The following THSD7A variants were observed in gnomAD, a reference collection of about 807,000 sequenced individuals.
The protein encoded by THSD7A is thrombospondin type 1 domain containing 7A, also known as thrombospondin type-1 domain-containing protein 7A.
In THSD7A, 96 loss-of-function variants were observed where a neutral mutation model predicts 231.3. The observed-to-expected ratio is 0.41, with a 90% CI of 0.35 to 0.49. The LOEUF is 0.49. THSD7A is among the 20% of genes least tolerant of loss of function. THSD7A has a pLI of 0.05. For missense variants in THSD7A, 2,290 were observed against 2,070.2 expected (o/e 1.11, Z -2.06); for synonymous variants, 940 against 743.3 (o/e 1.26, Z -4.30).
chr7:11,668,527 CAGAA>C (rs1047096226), intron 1 of THSD7A, among the ~76,000 whole-genome samples: 130 of 111,052 alleles, frequency 1.2e-3, no homozygotes, highest in African/African-American at 4.1e-3. Context: ...AAAAGAAAGA[CAGAA>C]AGAAAGAAAG....
chr7:11,790,632 T>C (rs1031740574), intron 1 of THSD7A, among the ~76,000 whole-genome samples: 4 of 152,096 alleles, frequency 2.6e-5, no homozygotes, highest in African/African-American at 9.6e-5. Context: ...ATCAGCCTAA[T>C]ATTGGTAAAC....
At chr7:11,573,134 A>G (rs1790721266) in intron 4 of THSD7A, among the ~76,000 whole-genome samples, 1 of 152,152 alleles carries the variant, frequency 6.6e-6, no homozygotes, top group Non-Finnish European at 1.5e-5. Context: ...GAGGTGCTCA[A>G]CAAGTATTCT....
At chr7:11,714,504 A>T (rs561468317) in intron 1 of THSD7A, among the ~76,000 whole-genome samples, 2 of 151,304 alleles carry the variant, frequency 1.3e-5, no homozygotes, top group South Asian at 4.1e-4. Flanking sequence ...TAATATTTTG[A>T]TTGAGTTAGT....
At chr7:11,385,971 G>C (rs1361166467) in intron 23 of THSD7A, among the ~76,000 whole-genome samples, 1 of 151,994 alleles carries the variant, frequency 6.6e-6, no homozygotes, top group African/African-American at 2.4e-5. Context: ...GTGGTGTTTG[G>C]TTTTCTGTTC....
At chr7:11,717,729 G>T (rs1314864889) in intron 1 of THSD7A, among the ~76,000 whole-genome samples, 1 of 151,466 alleles carries the variant, frequency 6.6e-6, no homozygotes, top group African/African-American at 2.4e-5. Context: ...ACACCTACCT[G>T]TTTGATTCTT....
intron 1 of THSD7A, among the ~76,000 whole-genome samples, chr7:11,769,151 A>ATTTTTTTTTTTTTTTT (rs1422492872): frequency 2.8e-3 from 100 of 35,370 alleles, no homozygotes; most frequent in Non-Finnish European, 5.1e-3. Flanking sequence ...ATATATATAT[A>ATTTTTTTTTTTTTTTT]TATTTTTTTT....
At chr7:11,493,876 T>C (rs1234361626) in intron 6 of THSD7A, among the ~76,000 whole-genome samples, 2 of 151,968 alleles carry the variant, frequency 1.3e-5, no homozygotes, top group East Asian at 1.9e-4. Flanking sequence ...GGTAATATCA[T>C]CTAGTTTATA....
intron 6 of THSD7A, among the ~76,000 whole-genome samples, chr7:11,484,078 T>A (rs1161745132): frequency 6.6e-6 from 1 of 151,884 alleles, no homozygotes; most frequent in Non-Finnish European, 1.5e-5. Flanking sequence ...CATCTTGTTC[T>A]GCTTGGCCAG....
At chr7:11,423,500 C>G (rs1025122741) in intron 16 of THSD7A, among the ~76,000 whole-genome samples, 44 of 151,928 alleles carry the variant, frequency 2.9e-4, no homozygotes, top group Admixed American at 7.2e-4. Context: ...TCCCGAGTAG[C>G]TGGGACTACA....
intron 2 of THSD7A, among the ~76,000 whole-genome samples, chr7:11,633,299 G>A (rs1292193286): frequency 6.6e-6 from 1 of 152,170 alleles, no homozygotes; most frequent in Middle Eastern, 3.2e-3. Context: ...GAAGCTTCCT[G>A]TGTCCTAGTG....
chr7:11,431,512 G>A (rs375041145), intron 13 of THSD7A, among the ~76,000 whole-genome samples: 18 of 152,114 alleles, frequency 1.2e-4, no homozygotes, highest in East Asian at 7.7e-4. Flanking sequence ...ACAGTGTAAC[G>A]ATTTATTTTT....
chr7:11,480,227 A>C (rs1786367837), intron 7 of THSD7A, among the ~76,000 whole-genome samples: 1 of 152,200 alleles, frequency 6.6e-6, no homozygotes, highest in Non-Finnish European at 1.5e-5. Flanking sequence ...GAGCAATCAC[A>C]AATTTCTGCC....
In THSD7A at chr7:11,406,611, C is replaced by A. The variant is rs1783591193; in HGVS notation, c.4063-137G>T. The stretch of plus-strand genomic sequence containing the variant: ...GATTTGAAACCCTAGGGAAGAAGCC[C>A]TATAGGGCACTAGCAATAAAGCATA... On this transcript the variant is annotated intron_variant, in intron 21 of 27. Coordinates refer to ENST00000423059, the MANE Select transcript of THSD7A (RefSeq NM_015204.3). This position sits in a 1 kb window ranked among gnomAD's most constrained non-coding sequence, Gnocchi z 4.7. 1 of 938,698 alleles carries A rather than the reference C, an allele frequency of 1.1e-6. No homozygotes were observed. Among genetic ancestry groups the A allele is most frequent in the African/African-American group, 1.7e-5 (1 of 59,974 alleles). 58.1% of individuals were successfully genotyped at this position (938,698 alleles called of 1,614,324 possible).
In THSD7A at chr7:11,801,743, C is replaced by CA. The variant is rs201784736; in HGVS notation, c.190+30013dup. Among the ~76,000 whole-genome samples the CA allele has an allele frequency of 6.6e-3, 997 of 152,062 alleles. 15 individuals are homozygous for CA. Among genetic ancestry groups the CA allele is most frequent in the African/African-American group, 0.023 (958 of 41,504 alleles). ...AGCCAAACAACAACAAAAACAATGA[C>CA]AAAAAATCTGTATGTCGTAATCATG... is the stretch of plus-strand genomic sequence containing the variant. On this transcript the variant is annotated intron_variant, in intron 1 of 27. Transcript: ENST00000423059.
At position 11,377,362 on chromosome 7, in the gene THSD7A, C is replaced by T. The variant is rs184223430; in HGVS notation, c.4802-705G>A. Among the ~76,000 whole-genome samples, 55 of 151,840 alleles carry T rather than the reference C, an allele frequency of 3.6e-4. No homozygotes were observed. The highest frequency in any genetic ancestry group is 6.8e-3 in the Middle Eastern group (2 of 292). On this transcript the variant is annotated intron_variant, in intron 26 of 27. Transcript: ENST00000423059. This position sits in a 1 kb window ranked among gnomAD's most constrained non-coding sequence, Gnocchi z 4.5. ...CTTTGAACTCCTCAGTTCTATGCTC[C>T]GAATAAACTTCAAGCACAAGATGTT... is the stretch of plus-strand genomic sequence containing the variant.
chr7:11,778,313 C>G (rs1048817415), intron 1 of THSD7A, among the ~76,000 whole-genome samples: 2 of 151,820 alleles, frequency 1.3e-5, no homozygotes, highest in Non-Finnish European at 2.9e-5. Context: ...ACTTCCTTCT[C>G]ACACAATTTA....
chr7:11,696,494 T>G (rs76048245), intron 1 of THSD7A, among the ~76,000 whole-genome samples: 2 of 151,448 alleles, frequency 1.3e-5, no homozygotes, highest in African/African-American at 4.8e-5. Context: ...TAGGTATACA[T>G]GTGCCATGGT....
intron 6 of THSD7A, among the ~76,000 whole-genome samples, chr7:11,483,794 T>C (rs1351338471): frequency 6.6e-6 from 1 of 152,166 alleles, no homozygotes; most frequent in African/African-American, 2.4e-5. Context: ...CTAAAGTCTA[T>C]AGCTAACAAA....
intron 6 of THSD7A, among the ~76,000 whole-genome samples, chr7:11,513,709 A>G (rs1046145664): frequency 2.6e-5 from 4 of 152,176 alleles, no homozygotes; most frequent in South Asian, 2.1e-4. Context: ...TTGGAACTAG[A>G]TCAATGTAGT....
Sources: gnomAD v4.1 joint callset for allele counts (sites outside exome capture counted in the v4.1 genomes callset) on GRCh38, gnomAD v4.1.1 for gene constraint, Gnocchi (gnomAD v3.1) non-coding constraint, MANE v1.5 for transcripts, NCBI Gene and HGNC (gene_info 2026-07-23, HGNC 2026-07-21) for gene names.